Variants in SLC9B1 observed in about 807,000 individuals in gnomAD.
SLC9B1 encodes the protein sodium/hydrogen exchanger 9B1.
SLC9B1 carries 32 observed loss-of-function variants against 51.7 expected under a neutral mutation model. The observed-to-expected ratio is 0.62, with a 90% CI of 0.47 to 0.83. SLC9B1 has a LOEUF of 0.83. Ranked by LOEUF, SLC9B1 falls within the 40% of genes least tolerant of loss-of-function variation. SLC9B1 has a pLI of 0.00. For missense variants in SLC9B1, 406 were observed against 613.2 expected (o/e 0.66, Z 3.57); for synonymous variants, 145 against 212.7 (o/e 0.68, Z 2.77).
chr4:102,942,770 A>G (rs1265764836), intron 6 of SLC9B1, among the ~76,000 whole-genome samples: 1 of 152,220 alleles, frequency 6.6e-6, no homozygotes, highest in Admixed American at 6.5e-5. Context: ...TGCTTAGGCA[A>G]AGACTTCATG....
chr4:102,969,306 T>C (rs1444241704), intron 3 of SLC9B1, among the ~76,000 whole-genome samples: 1 of 152,112 alleles, frequency 6.6e-6, no homozygotes, highest in Non-Finnish European at 1.5e-5. Context: ...CAGGCAGCAA[T>C]ATTTGCTGTT....
At chr4:102,919,400 C>T (rs779440327) in intron 7 of SLC9B1, among the ~76,000 whole-genome samples, 11 of 152,188 alleles carry the variant, frequency 7.2e-5, no homozygotes, top group Non-Finnish European at 1.5e-4. Context: ...GAACACTCTG[C>T]TGCTTAGAAA....
intron 3 of SLC9B1, among the ~76,000 whole-genome samples, chr4:102,986,284 T>C (rs1475074319): frequency 6.6e-6 from 1 of 151,998 alleles, no homozygotes; most frequent in East Asian, 1.9e-4. Context: ...CTCAACATTT[T>C]AAATATTTCA....
chr4:102,994,677 C>T (rs747686900), intron 1 of SLC9B1, among the ~76,000 whole-genome samples: 5 of 152,150 alleles, frequency 3.3e-5, no homozygotes, highest in African/African-American at 4.8e-5. Context: ...GTTTAATGGA[C>T]TCACAGTTCC....
At chr4:103,013,743 C>T (rs13150426) in intron 1 of SLC9B1, among the ~76,000 whole-genome samples, 82,603 of 152,038 alleles carry the variant, frequency 0.54, 22,972 homozygotes, top group African/African-American at 0.67. Context: ...GACCTAGTTG[C>T]TCAAAACAGA....
intron 3 of SLC9B1, among the ~76,000 whole-genome samples, chr4:102,983,093 T>C (rs528475413): frequency 2.0e-5 from 3 of 152,104 alleles, no homozygotes; most frequent in Non-Finnish European, 4.4e-5. Context: ...TTATTTTTAA[T>C]CATGATTGGG....
At chr4:102,969,899 A>G (rs1011434406) in intron 3 of SLC9B1, among the ~76,000 whole-genome samples, 34 of 152,322 alleles carry the variant, frequency 2.2e-4, no homozygotes, top group South Asian at 6.2e-4. Flanking sequence ...GTGATGGAAA[A>G]TCAAATGAAT....
chr4:102,900,021 T>C (rs1734714933), downstream of SLC9B1, among the ~76,000 whole-genome samples: 1 of 152,178 alleles, frequency 6.6e-6, no homozygotes, highest in South Asian at 2.1e-4. Context: ...TAACACATAG[T>C]TTTGATTGCC....
intron 11 of SLC9B1, chr4:102,889,687 C>A (rs1487018997): frequency 1.3e-5 from 2 of 152,192 alleles, no homozygotes; most frequent in African/African-American, 2.4e-5. Flanking sequence ...ATGCCCATAT[C>A]TTTTCCCACC....
intron 7 of SLC9B1, among the ~76,000 whole-genome samples, chr4:102,917,324 T>C (rs1205596141): frequency 1.3e-5 from 2 of 152,126 alleles, no homozygotes; most frequent in Non-Finnish European, 2.9e-5. Context: ...TTTTCCGGCT[T>C]ATAGATGGCC....
intron 3 of SLC9B1, among the ~76,000 whole-genome samples, chr4:102,975,565 CATATAT>C (rs749203965): frequency 1.9e-4 from 19 of 99,608 alleles, no homozygotes; most frequent in African/African-American, 6.9e-4. Flanking sequence ...ATTATATATA[CATATAT>C]ATATATATAT....
chr4:103,003,073 C>T (rs1254161629), intron 1 of SLC9B1, among the ~76,000 whole-genome samples: 3 of 152,132 alleles, frequency 2.0e-5, no homozygotes, highest in Admixed American at 6.5e-5. Flanking sequence ...TACTTACTCA[C>T]CTTATTTTGA....
intron 1 of SLC9B1, among the ~76,000 whole-genome samples, chr4:102,992,326 G>C (rs1739982819): frequency 6.6e-6 from 1 of 151,940 alleles, no homozygotes; most frequent in Non-Finnish European, 1.5e-5. Context: ...ATCTTTGCTA[G>C]CTTCAAATAT....
At chr4:102,940,473 A>G (rs1445323576) in intron 6 of SLC9B1, among the ~76,000 whole-genome samples, 1 of 152,278 alleles carries the variant, frequency 6.6e-6, no homozygotes, top group African/African-American at 2.4e-5. Flanking sequence ...CATACTATCA[A>G]TGACATTTTT....
At chr4:102,987,937 T>G (rs1186753956) in intron 3 of SLC9B1, among the ~76,000 whole-genome samples, 3 of 152,206 alleles carry the variant, frequency 2.0e-5, no homozygotes, top group Admixed American at 2.0e-4. Flanking sequence ...TTTCAGTTTC[T>G]TCAGCTTTTT....
chr4:102,888,956 A>G lies in SLC9B1; in HGVS notation c.1333-3628T>C, dbSNP rs537045752. 36 of 152,368 alleles carry G rather than the reference A, an allele frequency of 2.4e-4. No homozygotes were observed. In the East Asian group the frequency reaches 2.5e-3, roughly 11 times the overall value. 9.4% of individuals were successfully genotyped at this position (152,368 alleles called of 1,614,324 possible). ...ATTCAGTTCACTTTGCTTTCTTTTT[A>G]TAAGAATGTACAAGAGGCAGACAGA... On this transcript the variant is annotated intron_variant, in intron 11 of 11. Transcript: ENST00000394789.
At chr4:103,003,513 T>C (rs1448031872) in intron 1 of SLC9B1, among the ~76,000 whole-genome samples, 1 of 152,244 alleles carries the variant, frequency 6.6e-6, no homozygotes, top group African/African-American at 2.4e-5. Context: ...TGTTGCTTCA[T>C]TGTTGCACAT....
At chr4:103,013,141 A>G (rs752287026) in intron 1 of SLC9B1, among the ~76,000 whole-genome samples, 42 of 152,212 alleles carry the variant, frequency 2.8e-4, no homozygotes, top group Non-Finnish European at 4.7e-4. Flanking sequence ...AAGGTTTGCT[A>G]TACATGGAAT....
intron 6 of SLC9B1, among the ~76,000 whole-genome samples, chr4:102,943,712 GA>G (rs1324283214): frequency 6.6e-6 from 1 of 152,190 alleles, no homozygotes; most frequent in Admixed American, 6.5e-5. Flanking sequence ...AAAAGCGTAA[GA>G]ATGATACAAT....
Sources: gnomAD v4.1 joint callset for allele counts (sites outside exome capture counted in the v4.1 genomes callset) on GRCh38, gnomAD v4.1.1 for gene constraint, MANE v1.5 for transcripts, NCBI Gene and HGNC (gene_info 2026-07-23, HGNC 2026-07-21) for gene names.